The following CDH13 variants were observed in gnomAD, a reference collection of about 807,000 sequenced individuals.
CDH13 encodes cadherin 13, also known as cadherin-13.
In CDH13, 24 loss-of-function variants were observed where a neutral mutation model predicts 63.8. That is an observed-to-expected ratio of 0.38 (90% CI 0.27 to 0.53). The LOEUF is 0.53. CDH13 is among the 20% of genes least tolerant of loss of function. The pLI, the probability that CDH13 is intolerant of heterozygous loss-of-function variation, is 0.85. For missense variants in CDH13, 1,049 were observed against 903.1 expected, an observed-to-expected ratio of 1.16 and a Z score of -2.07; for synonymous variants, 503 against 355.3, an observed-to-expected ratio of 1.42 and a Z score of -4.67.
At position 83,070,858 on chromosome 16, in the gene CDH13, C is replaced by T. The variant is rs1011617519; in HGVS notation, c.366+38640C>T. 7.3e-4 allele frequency among the ~76,000 whole-genome samples: 81 copies of T among 110,328 alleles called. 1 individual carries two copies. The highest frequency in any genetic ancestry group is 3.0e-3 in the African/African-American group (73 of 24,216). The allele number at this position is 110,328 out of a possible 152,430, so 72.4% of individuals were successfully genotyped here. ...GGTTATACTACAGTAATAAACAGCC[C>T]CCCCCCCCCCAAATATCAATGACCT... On this transcript the variant is annotated intron_variant, in intron 3 of 13. Transcript: ENST00000567109.
intron 5 of CDH13, among the ~76,000 whole-genome samples, chr16:83,299,768 T>G (rs1311507921): frequency 1.3e-5 from 2 of 152,214 alleles, no homozygotes; most frequent in East Asian, 3.9e-4. Context: ...GGAGTTTATA[T>G]AAGTTATTGC....
chr16:83,385,508 C>G (rs775743607), intron 6 of CDH13, among the ~76,000 whole-genome samples: 7 of 152,158 alleles, frequency 4.6e-5, no homozygotes, highest in Non-Finnish European at 8.8e-5. Flanking sequence ...ATCTCAGTGT[C>G]TTAATAAATT....
At chr16:83,417,841 C>G (rs11648075) in intron 6 of CDH13, among the ~76,000 whole-genome samples, 33,598 of 151,866 alleles carry the variant, frequency 0.22, 4,228 homozygotes, top group East Asian at 0.51. Context: ...TGTCAGTTTC[C>G]CTAAAATGAA....
chr16:83,157,671 G>T (rs2037264898), intron 4 of CDH13, among the ~76,000 whole-genome samples: 1 of 147,124 alleles, frequency 6.8e-6, no homozygotes, highest in African/African-American at 2.5e-5. Flanking sequence ...GAGGCGGGCA[G>T]ATCACAAAGT....
intron 1 of CDH13, among the ~76,000 whole-genome samples, chr16:82,857,260 T>G (rs2039740307): frequency 6.6e-6 from 1 of 152,180 alleles, no homozygotes; most frequent in Non-Finnish European, 1.5e-5. Context: ...CATTACACAT[T>G]TCATAGGCCT....
At chr16:82,731,056 C>A (rs771236422) in intron 1 of CDH13, among the ~76,000 whole-genome samples, 1 of 152,130 alleles carries the variant, frequency 6.6e-6, no homozygotes, top group South Asian at 2.1e-4. Context: ...TCATAGCTGC[C>A]AGCACTTCAT....
chr16:83,214,672 T>C (rs1247169536), intron 4 of CDH13, among the ~76,000 whole-genome samples: 1 of 151,884 alleles, frequency 6.6e-6, no homozygotes, highest in Non-Finnish European at 1.5e-5. Flanking sequence ...AGTGTAATTT[T>C]ATTGTGATGA....
chr16:83,283,183 C>T (rs2089223944), intron 5 of CDH13, among the ~76,000 whole-genome samples: 2 of 152,212 alleles, frequency 1.3e-5, no homozygotes. Flanking sequence ...GCTCCTCCAT[C>T]CTGGCTGAAT....
intron 6 of CDH13, among the ~76,000 whole-genome samples, chr16:83,421,144 T>C (rs2071702940): frequency 6.6e-6 from 1 of 152,034 alleles, no homozygotes; most frequent in Admixed American, 6.5e-5. Context: ...GGAACACTCA[T>C]ATTCCAGTAC....
At chr16:83,071,699 T>C (rs1276572750) in intron 3 of CDH13, among the ~76,000 whole-genome samples, 1 of 152,190 alleles carries the variant, frequency 6.6e-6, no homozygotes, top group African/African-American at 2.4e-5. Flanking sequence ...AGTAAGTTGA[T>C]AGGAGAAGAC....
At chr16:83,536,553 A>G (rs897330302) in intron 7 of CDH13, among the ~76,000 whole-genome samples, 3 of 152,216 alleles carry the variant, frequency 2.0e-5, no homozygotes, top group Non-Finnish European at 4.4e-5. Context: ...CTGAACACCC[A>G]TGGAACCTTG....
intron 7 of CDH13, among the ~76,000 whole-genome samples, chr16:83,517,497 G>T (rs75527254): frequency 0.043 from 6,471 of 152,252 alleles, 199 homozygotes; most frequent in Non-Finnish European, 0.06. Context: ...CTTTGTGCCT[G>T]TGGCAGAAGA....
chr16:83,361,017 C>G (rs1356307478), intron 6 of CDH13, among the ~76,000 whole-genome samples: 1 of 152,168 alleles, frequency 6.6e-6, no homozygotes, highest in African/African-American at 2.4e-5. Flanking sequence ...TGCCAAACTG[C>G]TTTCCACAGT....
At chr16:83,539,331 C>G (rs1211247574) in intron 7 of CDH13, among the ~76,000 whole-genome samples, 1 of 152,166 alleles carries the variant, frequency 6.6e-6, no homozygotes. Flanking sequence ...AATGCCATGG[C>G]TGATCTGACA....
intron 1 of CDH13, among the ~76,000 whole-genome samples, chr16:82,831,278 C>G (rs995378702): frequency 6.6e-6 from 1 of 152,090 alleles, no homozygotes; most frequent in Non-Finnish European, 1.5e-5. Context: ...AACCCCAGGC[C>G]GAAACCATAC....
intron 1 of CDH13, among the ~76,000 whole-genome samples, chr16:82,785,939 G>A (rs577965174): frequency 6.6e-6 from 1 of 152,320 alleles, no homozygotes; most frequent in South Asian, 2.1e-4. Context: ...CCTGATGCAC[G>A]TGGCCCCTGC....
chr16:82,773,016 A>C (rs755997349), intron 1 of CDH13, among the ~76,000 whole-genome samples: 4 of 152,208 alleles, frequency 2.6e-5, no homozygotes, highest in Non-Finnish European at 5.9e-5. Flanking sequence ...GAGAGCCCAG[A>C]ATCAGTAGCT....
chr16:83,065,093 T>C (rs555851160), intron 3 of CDH13, among the ~76,000 whole-genome samples: 13 of 152,244 alleles, frequency 8.5e-5, no homozygotes, highest in African/African-American at 3.1e-4. Flanking sequence ...ACAAGTGAGA[T>C]CATGTGGTAT....
chr16:82,737,746 CCT>C (rs1462677263), intron 1 of CDH13, among the ~76,000 whole-genome samples: 1 of 152,170 alleles, frequency 6.6e-6, no homozygotes, highest in Non-Finnish European at 1.5e-5. Flanking sequence ...TTTTCCTCTT[CCT>C]CTATAAACTC....
Sources: allele counts gnomAD v4.1 joint callset (sites outside exome capture counted in the v4.1 genomes callset), GRCh38; gene constraint gnomAD v4.1.1; transcripts MANE v1.5; gene names NCBI Gene and HGNC (gene_info 2026-07-23, HGNC 2026-07-21).